NCKAP5: variants seen among roughly 807,000 people sequenced by gnomAD.
NCKAP5 encodes the protein nck-associated protein 5.
NCKAP5 carries 92 observed loss-of-function variants against 167.0 expected under a neutral mutation model. That is an observed-to-expected ratio of 0.55 (90% CI 0.47 to 0.66). The LOEUF (loss-of-function observed/expected upper bound fraction) is 0.66, where lower values mean the gene tolerates loss of function less well. Ranked by LOEUF, NCKAP5 falls within the 30% of genes least tolerant of loss-of-function variation. The pLI is 0.00. For synonymous variants in NCKAP5, 891 were observed against 877.4 expected (o/e 1.02, Z -0.27); for missense variants, 2,378 against 2,315.0 (o/e 1.03, Z -0.56).
the NCKAP5 span, among the ~76,000 whole-genome samples, chr2:133,637,476 C>CAAAAAAAAAAAAAAAAAAAAAAAAAAAAA: frequency 3.2e-5 from 1 of 31,670 alleles, no homozygotes; most frequent in African/African-American, 1.6e-4. Flanking sequence ...TGGTATTTTC[C>CAAAAAAAAAAAAAAAAAAAAAAAAAAAAA]AAAAAAAAAA....
At chr2:133,664,159 C>CT in the NCKAP5 span, among the ~76,000 whole-genome samples, 64 of 150,016 alleles carry the variant, frequency 4.3e-4, no homozygotes, top group African/African-American at 9.5e-4. Context: ...TGAAAGTAAT[C>CT]TTTTTTTTTT....
At chr2:132,680,460 C>T (rs1354610928) in intron 19 of NCKAP5, among the ~76,000 whole-genome samples, 6 of 152,156 alleles carry the variant, frequency 3.9e-5, no homozygotes, top group Non-Finnish European at 8.8e-5. Flanking sequence ...ATGACCTCTC[C>T]TTGAACCCCT....
chr2:133,027,066 G>A (rs1389793390), intron 6 of NCKAP5, among the ~76,000 whole-genome samples: 1 of 152,170 alleles, frequency 6.6e-6, no homozygotes, highest in African/African-American at 2.4e-5. Context: ...ATGCATCAGG[G>A]AGGGCAAGAC....
chr2:132,706,177 T>C (rs1688344100), intron 19 of NCKAP5, among the ~76,000 whole-genome samples: 1 of 152,194 alleles, frequency 6.6e-6, no homozygotes, highest in East Asian at 1.9e-4. Context: ...GCACTCCCTC[T>C]CTGTCCTTTC....
chr2:132,853,885 A>G (rs72991399), intron 11 of NCKAP5, among the ~76,000 whole-genome samples: 2,608 of 152,278 alleles, frequency 0.017, 63 homozygotes, highest in African/African-American at 0.059. Flanking sequence ...ATAATATTTC[A>G]AAGCTTGCCT....
intron 16 of NCKAP5, among the ~76,000 whole-genome samples, chr2:132,757,198 A>T (rs1209374470): frequency 1.3e-5 from 2 of 152,202 alleles, no homozygotes; most frequent in African/African-American, 4.8e-5. Flanking sequence ...GTGCAAAATG[A>T]GTGGAGCAGA....
chr2:133,460,788 C>T (rs1239072087), intron 3 of NCKAP5, among the ~76,000 whole-genome samples: 1 of 152,016 alleles, frequency 6.6e-6, no homozygotes, highest in Non-Finnish European at 1.5e-5. Context: ...AGAGAAAAAT[C>T]CTATATTTTA....
intron 3 of NCKAP5, among the ~76,000 whole-genome samples, chr2:133,509,442 A>G (rs1683292097): frequency 6.6e-6 from 1 of 152,162 alleles, no homozygotes; most frequent in African/African-American, 2.4e-5. Flanking sequence ...CTTCCCAAAC[A>G]GCACCCTGGG....
the NCKAP5 span, among the ~76,000 whole-genome samples, chr2:133,633,713 A>T: frequency 6.6e-6 from 1 of 152,206 alleles, no homozygotes; most frequent in East Asian, 1.9e-4. Flanking sequence ...GAAGCTCAGA[A>T]ATTTTATGTC....
chr2:133,241,654 C>T (rs973317586), intron 4 of NCKAP5, among the ~76,000 whole-genome samples: 1 of 152,110 alleles, frequency 6.6e-6, no homozygotes, highest in Non-Finnish European at 1.5e-5. Flanking sequence ...TTTTCATCTA[C>T]TCTGCCACAT....
chr2:133,304,446 A>C (rs953872279), intron 3 of NCKAP5, among the ~76,000 whole-genome samples: 11 of 152,206 alleles, frequency 7.2e-5, no homozygotes, highest in African/African-American at 2.7e-4. Flanking sequence ...ATAAACATTT[A>C]TTTTCAGGTG....
chr2:133,489,918 T>G (rs1681288702), intron 3 of NCKAP5, among the ~76,000 whole-genome samples: 1 of 152,112 alleles, frequency 6.6e-6, no homozygotes, highest in South Asian at 2.1e-4. Context: ...TGTAAATCTA[T>G]GGATCAGATT....
At chr2:133,602,507 G>A in the NCKAP5 span, among the ~76,000 whole-genome samples, 1 of 152,178 alleles carries the variant, frequency 6.6e-6, no homozygotes, top group Non-Finnish European at 1.5e-5. Flanking sequence ...TATTCAGGAG[G>A]GAGGTAGGCA....
chr2:132,950,917 A>G (rs2076167321), intron 8 of NCKAP5, among the ~76,000 whole-genome samples: 1 of 152,150 alleles, frequency 6.6e-6, no homozygotes, highest in African/African-American at 2.4e-5. Context: ...AAACAGAAAC[A>G]GAAAAAAAAA....
At chr2:133,528,412 G>A (rs1247345247) in intron 2 of NCKAP5, among the ~76,000 whole-genome samples, 2 of 151,774 alleles carry the variant, frequency 1.3e-5, no homozygotes, top group African/African-American at 4.8e-5. Context: ...TATTTGGACA[G>A]ACCAGTGCTT....
intron 3 of NCKAP5, among the ~76,000 whole-genome samples, chr2:133,320,380 G>C (rs1211071828): frequency 6.6e-6 from 1 of 152,118 alleles, no homozygotes; most frequent in Non-Finnish European, 1.5e-5. Context: ...GGGCTCTCTA[G>C]ACCTCCTCTC....
chr2:132,794,996 T>TA (rs1448425704), intron 12 of NCKAP5, among the ~76,000 whole-genome samples: 1 of 152,228 alleles, frequency 6.6e-6, no homozygotes, highest in Non-Finnish European at 1.5e-5. Context: ...ACAGAGATCT[T>TA]ATGATTGTTC....
intron 6 of NCKAP5, among the ~76,000 whole-genome samples, chr2:133,022,151 A>G (rs1316641785): frequency 6.6e-6 from 1 of 152,188 alleles, no homozygotes; most frequent in African/African-American, 2.4e-5. Flanking sequence ...AGAACACGTC[A>G]CCTCAAAATA....
intron 6 of NCKAP5, among the ~76,000 whole-genome samples, chr2:133,079,215 A>G (rs1405021572): frequency 6.6e-6 from 1 of 152,170 alleles, no homozygotes; most frequent in Non-Finnish European, 1.5e-5. Context: ...TCAGCATTAC[A>G]GCCCTGAAGT....
Sources: allele counts gnomAD v4.1 joint callset (sites outside exome capture counted in the v4.1 genomes callset), GRCh38; gene constraint gnomAD v4.1.1; transcripts MANE v1.5; gene names NCBI Gene and HGNC (gene_info 2026-07-23, HGNC 2026-07-21).